Variants in PTPRT observed in about 807,000 individuals in gnomAD.
PTPRT encodes protein tyrosine phosphatase receptor type T.
Under a neutral mutation model 176.8 loss-of-function variants are expected in PTPRT, and 56 were observed. The ratio of observed to expected loss-of-function variants is 0.32; its 90% CI spans 0.26 to 0.40. The LOEUF (loss-of-function observed/expected upper bound fraction) is 0.40, where lower values mean the gene tolerates loss of function less well. Among genes scored for constraint, PTPRT ranks in the 10% least tolerant of loss-of-function variants. PTPRT has a pLI of 1.00. For missense variants in PTPRT, 1,540 were observed against 1,908.2 expected (o/e 0.81, Z 3.60); for synonymous variants, 783 against 739.0 (o/e 1.06, Z -0.96).
At chr20:42,946,288 T>C (rs1031221303) in intron 1 of PTPRT, among the ~76,000 whole-genome samples, 21 of 152,170 alleles carry the variant, frequency 1.4e-4, no homozygotes, top group African/African-American at 4.8e-4. Context: ...CCACAGCAGA[T>C]GGCAGGGCCT....
intron 1 of PTPRT, among the ~76,000 whole-genome samples, chr20:43,155,433 A>G (rs563284303): frequency 1.3e-5 from 2 of 152,206 alleles, no homozygotes; most frequent in Non-Finnish European, 2.9e-5. Flanking sequence ...GCACAGAAAG[A>G]CAAACACTGC....
intron 9 of PTPRT, among the ~76,000 whole-genome samples, chr20:42,406,266 C>T (rs775043180): frequency 4.0e-5 from 6 of 151,382 alleles, no homozygotes; most frequent in African/African-American, 1.2e-4. Flanking sequence ...AATCAAAGGT[C>T]GTCCTTTGAA....
At chr20:42,583,343 G>A (rs2073411843) in intron 7 of PTPRT, among the ~76,000 whole-genome samples, 1 of 152,158 alleles carries the variant, frequency 6.6e-6, no homozygotes, top group South Asian at 2.1e-4. Context: ...AAGCCTCACT[G>A]TTCTTCATTA....
At chr20:42,612,983 A>G (rs554718113) in intron 7 of PTPRT, among the ~76,000 whole-genome samples, 41 of 152,340 alleles carry the variant, frequency 2.7e-4, no homozygotes, top group Non-Finnish European at 4.3e-4. Flanking sequence ...CATAGGGGGA[A>G]AAAAGACCAG....
rs955212141 is a variant in PTPRT at position 42,987,715 on chromosome 20, G to A, written c.89-101783C>T. The stretch of plus-strand genomic sequence containing the variant: ...TCACTGCAAACTTTGCTTCCTCCAA[G>A]CCATCATCCCTGACACCCCCACACC... On this transcript the variant is annotated intron_variant, in intron 1 of 30. Transcript: ENST00000373187. Among the ~76,000 whole-genome samples the A allele has an allele frequency of 3.1e-4, 46 of 148,788 alleles. 1 individual carries two copies. Among genetic ancestry groups the A allele is most frequent in the African/African-American group, 1.1e-3 (44 of 40,188 alleles).
intron 1 of PTPRT, among the ~76,000 whole-genome samples, chr20:43,109,352 G>A (rs1045748723): frequency 3.9e-5 from 6 of 151,978 alleles, no homozygotes; most frequent in African/African-American, 1.2e-4. Flanking sequence ...CGTGCTTTTC[G>A]AAACTCTCCA....
At chr20:42,064,769 T>C in the PTPRT span, among the ~76,000 whole-genome samples, 2 of 152,242 alleles carry the variant, frequency 1.3e-5, no homozygotes, top group Non-Finnish European at 2.9e-5. Flanking sequence ...ATGAAAATCT[T>C]TAATACTGCT....
At chr20:43,014,630 G>T (rs1220056749) in intron 1 of PTPRT, among the ~76,000 whole-genome samples, 3 of 151,980 alleles carry the variant, frequency 2.0e-5, no homozygotes, top group Non-Finnish European at 4.4e-5. Flanking sequence ...TGGCCCAAAG[G>T]TATACACTAC....
chr20:42,047,589 C>T, the PTPRT span, among the ~76,000 whole-genome samples: 5 of 152,336 alleles, frequency 3.3e-5, no homozygotes, highest in Admixed American at 2.6e-4. Flanking sequence ...TAAATACTGG[C>T]ATTCAGGTAT....
intron 1 of PTPRT, among the ~76,000 whole-genome samples, chr20:43,160,366 T>C (rs561674011): frequency 8.5e-5 from 13 of 152,216 alleles, no homozygotes; most frequent in Admixed American, 2.0e-4. Context: ...TGTTTAGAGT[T>C]AGCAACGGTC....
intron 3 of PTPRT, among the ~76,000 whole-genome samples, chr20:42,784,298 T>G (rs910694867): frequency 6.6e-6 from 1 of 152,200 alleles, no homozygotes; most frequent in Non-Finnish European, 1.5e-5. Flanking sequence ...TAATCTTTTA[T>G]AGTTCTTGAG....
chr20:42,970,902 C>T (rs374581668), intron 1 of PTPRT: 2 of 152,174 alleles, frequency 1.3e-5, no homozygotes, highest in Non-Finnish European at 2.9e-5. Flanking sequence ...GAAACTGAGA[C>T]GACAGCAAGT....
chr20:42,591,586 A>ACTG (rs2073575602), intron 7 of PTPRT, among the ~76,000 whole-genome samples: 2 of 152,166 alleles, frequency 1.3e-5, no homozygotes, highest in South Asian at 4.1e-4. Context: ...TTGCTTCCCT[A>ACTG]CTGCCCTACC....
intron 9 of PTPRT, among the ~76,000 whole-genome samples, chr20:42,382,003 C>A (rs2058702068): frequency 6.6e-6 from 1 of 152,076 alleles, no homozygotes; most frequent in South Asian, 2.1e-4. Flanking sequence ...TATATCCAAG[C>A]CATAAAGATT....
At chr20:43,050,972 GAAGA>G (rs1367018446) in intron 1 of PTPRT, among the ~76,000 whole-genome samples, 1 of 152,198 alleles carries the variant, frequency 6.6e-6, no homozygotes, top group African/African-American at 2.4e-5. Context: ...GAAGCTATCA[GAAGA>G]AAGTGGCTCT....
intron 8 of PTPRT, among the ~76,000 whole-genome samples, chr20:42,467,426 A>G (rs2071119185): frequency 6.6e-6 from 1 of 152,172 alleles, no homozygotes; most frequent in Non-Finnish European, 1.5e-5. Context: ...AGAAATATAC[A>G]TCGCCAACAT....
At position 43,024,795 on chromosome 20, in the gene PTPRT, C is replaced by A. The variant is rs189686906; in HGVS notation, c.89-138863G>T. 1.6e-3 allele frequency among the ~76,000 whole-genome samples: 240 copies of A among 152,296 alleles called. 1 individual carries two copies. Among genetic ancestry groups the A allele is most frequent in the Admixed American group, 3.9e-3 (59 of 15,300 alleles). On this transcript the variant is annotated intron_variant, in intron 1 of 30. Coordinates refer to ENST00000373187, the MANE Select transcript of PTPRT (RefSeq NM_007050.6). Reference sequence around the variant, plus strand: ...TCCAAGATCATCCCCAATGCCATTTCTCAGGCCAACACATGCTAGGCTCAT... The same window carrying A: ...TCCAAGATCATCCCCAATGCCATTTATCAGGCCAACACATGCTAGGCTCAT...
At chr20:42,285,587 A>G (rs2057215861) in intron 12 of PTPRT, among the ~76,000 whole-genome samples, 1 of 151,936 alleles carries the variant, frequency 6.6e-6, no homozygotes, top group South Asian at 2.1e-4. Context: ...GTTCTTTATA[A>G]AAGTGAAAAT....
chr20:42,151,939 A>C (rs1334183677), intron 17 of PTPRT, among the ~76,000 whole-genome samples: 1 of 152,222 alleles, frequency 6.6e-6, no homozygotes, highest in Non-Finnish European at 1.5e-5. Flanking sequence ...GGAACGTTTC[A>C]TAATCTGTTG....
Sources: allele counts gnomAD v4.1 joint callset (sites outside exome capture counted in the v4.1 genomes callset), GRCh38; gene constraint gnomAD v4.1.1; transcripts MANE v1.5; gene names NCBI Gene and HGNC (gene_info 2026-07-23, HGNC 2026-07-21).